The following CYFIP2 variants were observed in gnomAD, a reference collection of about 807,000 sequenced individuals.
CYFIP2 encodes the protein cytoplasmic FMR1 interacting protein 2.
CYFIP2 carries 29 observed loss-of-function variants against 158.7 expected under a neutral mutation model. The observed-to-expected ratio is 0.18, with a 90% CI of 0.14 to 0.25. The LOEUF (loss-of-function observed/expected upper bound fraction) is 0.25, where lower values mean the gene tolerates loss of function less well. CYFIP2 is among the 10% of genes least tolerant of loss of function. The pLI, the probability that CYFIP2 is intolerant of heterozygous loss-of-function variation, is 1.00. For missense variants in CYFIP2, 852 were observed against 1,639.5 expected (o/e 0.52, Z 8.29); for synonymous variants, 585 against 617.6 (o/e 0.95, Z 0.78).
At chr5:157,349,853 T>G (rs190999893) in intron 23 of CYFIP2, among the ~76,000 whole-genome samples, 1 of 152,398 alleles carries the variant, frequency 6.6e-6, no homozygotes, top group East Asian at 1.9e-4. Context: ...GATTTGCATT[T>G]CCCTGATCAT....
chr5:157,379,694 C>G, intron 26 of CYFIP2, among the ~76,000 whole-genome samples: 1 of 76,424 alleles, frequency 1.3e-5, no homozygotes, highest in South Asian at 4.2e-4. Flanking sequence ...AAAAAAAAAA[C>G]CCACACCAGA....
At chr5:157,308,553 T>C (rs536906084) in intron 9 of CYFIP2, among the ~76,000 whole-genome samples, 2 of 152,330 alleles carry the variant, frequency 1.3e-5, no homozygotes, top group East Asian at 3.9e-4. Flanking sequence ...ACTGCCGACA[T>C]GGAGCAAGCC....
intron 5 of CYFIP2, among the ~76,000 whole-genome samples, chr5:157,298,628 G>A (rs1331067190): frequency 2.0e-5 from 3 of 151,876 alleles, no homozygotes; most frequent in African/African-American, 7.2e-5. Context: ...TTACAGACAT[G>A]AGCCACCACA....
chr5:157,365,758 CTAGTA>C (rs1764307351), intron 26 of CYFIP2, among the ~76,000 whole-genome samples: 1 of 92,210 alleles, frequency 1.1e-5, no homozygotes, highest in African/African-American at 4.6e-5. Flanking sequence ...GTAGAGTTAT[CTAGTA>C]TGTTTTCCCT....
At chr5:157,272,679 C>T (rs776583066) in intron 1 of CYFIP2, among the ~76,000 whole-genome samples, 2 of 152,146 alleles carry the variant, frequency 1.3e-5, no homozygotes, top group Non-Finnish European at 2.9e-5. Flanking sequence ...CCCTCCCTCC[C>T]CTGCCCCCGT....
intron 26 of CYFIP2, among the ~76,000 whole-genome samples, chr5:157,369,750 G>A (rs1200655905): frequency 6.6e-6 from 1 of 152,174 alleles, no homozygotes; most frequent in Admixed American, 6.5e-5. Context: ...CCAAGCACCA[G>A]GGAGGCAGTG....
At chr5:157,362,082 A>G (rs958709821) in intron 26 of CYFIP2, among the ~76,000 whole-genome samples, 1 of 152,258 alleles carries the variant, frequency 6.6e-6, no homozygotes, top group Admixed American at 6.5e-5. Context: ...GGGGCAGGCT[A>G]TCGTCTTGAA....
intron 1 of CYFIP2, chr5:157,277,322 A>T (rs1756639989): frequency 6.6e-6 from 1 of 152,268 alleles, no homozygotes; most frequent in Admixed American, 6.6e-5. Context: ...TGAGCCACTG[A>T]GTCTGGCCTT....
intron 23 of CYFIP2, among the ~76,000 whole-genome samples, chr5:157,358,280 C>T (rs1025651935): frequency 6.6e-6 from 1 of 152,156 alleles, no homozygotes; most frequent in Non-Finnish European, 1.5e-5. Flanking sequence ...TCATGGGGTT[C>T]AGCGGACAAT....
intron 1 of CYFIP2, among the ~76,000 whole-genome samples, chr5:157,272,957 C>T (rs1006220947): frequency 2.0e-5 from 3 of 152,162 alleles, no homozygotes; most frequent in African/African-American, 7.2e-5. Context: ...ACCTCTGCCT[C>T]CCAGGTTCAA....
intron 28 of CYFIP2, among the ~76,000 whole-genome samples, chr5:157,386,646 A>G (rs947576937): frequency 6.6e-6 from 1 of 152,208 alleles, no homozygotes; most frequent in African/African-American, 2.4e-5. Context: ...TGGGCTGGGC[A>G]TGGTGGCTCA....
At chr5:157,321,490 G>A (rs900972987) in intron 15 of CYFIP2, among the ~76,000 whole-genome samples, 2 of 151,982 alleles carry the variant, frequency 1.3e-5, no homozygotes, top group African/African-American at 4.8e-5. Flanking sequence ...CAGTCATAAC[G>A]TTACAGAAAA....
intron 1 of CYFIP2, among the ~76,000 whole-genome samples, chr5:157,279,996 G>A (rs1005452179): frequency 4.6e-5 from 7 of 152,210 alleles, no homozygotes; most frequent in African/African-American, 1.7e-4. Context: ...CTTAGGCACT[G>A]AATGATCTAC....
intron 23 of CYFIP2, among the ~76,000 whole-genome samples, chr5:157,354,198 G>T (rs1183615213): frequency 1.3e-5 from 2 of 152,026 alleles, no homozygotes; most frequent in Non-Finnish European, 2.9e-5. Flanking sequence ...AATCAGGGTT[G>T]TTTATTTCTT....
At chr5:157,310,915 G>A in intron 10 of CYFIP2, 2 of 446,164 alleles carry the variant, frequency 4.5e-6, no homozygotes, top group Non-Finnish European at 9.0e-6. Context: ...AGCACCTGAG[G>A]GTAGAAGAGG....
At chr5:157,305,128 AC>A (rs1304851586) in intron 8 of CYFIP2, among the ~76,000 whole-genome samples, 5 of 152,184 alleles carry the variant, frequency 3.3e-5, no homozygotes, top group Non-Finnish European at 5.9e-5. Flanking sequence ...TATATATATA[AC>A]ACATTTTCTT....
Position 157,383,428 on chromosome 5 carries a change from C to T in CYFIP2, c.3207+69C>T, listed in dbSNP as rs532266086. 7.8e-6 allele frequency: 11 copies of T among 1,408,450 alleles called. No homozygotes were observed. In the Admixed American group the frequency reaches 9.3e-5, roughly 12 times the overall value. 87.2% of individuals were successfully genotyped at this position (1,408,450 alleles called of 1,614,324 possible). A position where few individuals can be genotyped will look rare whatever the true frequency, so the allele number is the denominator to read the frequency against. On this transcript the variant is annotated intron_variant, in intron 28 of 30. Transcript: ENST00000620254. Reference sequence around the variant, plus strand: ...ACTTGAGAGCATTTGACCAAACCCCCTCATTGTACAGGTCAGGAAACTGAG... The same window carrying T: ...ACTTGAGAGCATTTGACCAAACCCCTTCATTGTACAGGTCAGGAAACTGAG...
At chr5:157,339,452 A>G (rs1282577968) in intron 22 of CYFIP2, among the ~76,000 whole-genome samples, 196 bp downstream of exon 22, 1 of 114,666 alleles carries the variant, frequency 8.7e-6, no homozygotes, top group African/African-American at 4.9e-5. Context: ...GTGGTTAACA[A>G]TTAGGTCTTC....
At chr5:157,340,964 C>G (rs561001347) in intron 22 of CYFIP2, 106 bp from the exon 23 acceptor site, 1 of 974,216 alleles carries the variant, frequency 1.0e-6, no homozygotes, top group South Asian at 1.4e-5. Flanking sequence ...TGCACTTGTA[C>G]CAGTGCAAAC....
Sources: allele counts gnomAD v4.1 joint callset (sites outside exome capture counted in the v4.1 genomes callset), GRCh38; gene constraint gnomAD v4.1.1; transcripts MANE v1.5; gene names NCBI Gene and HGNC (gene_info 2026-07-23, HGNC 2026-07-21).